Variants in PTPRD observed in about 807,000 individuals in gnomAD.
PTPRD encodes protein tyrosine phosphatase receptor type D.
A neutral mutation model predicts 214.5 loss-of-function variants in PTPRD; 34 were observed. The ratio of observed to expected loss-of-function variants is 0.16; its 90% confidence interval spans 0.12 to 0.21. PTPRD has a LOEUF of 0.21. PTPRD is among the 10% of genes least tolerant of loss of function. The probability of loss-of-function intolerance (pLI) is 1.00; values close to 1 mark genes in which losing one functional copy is unlikely to be tolerated. For synonymous variants in PTPRD, 1,128 were observed against 845.7 expected (o/e 1.33, Z -5.79); for missense variants, 2,545 against 2,398.7 (o/e 1.06, Z -1.27).
intron 14 of PTPRD, among the ~76,000 whole-genome samples, chr9:8,603,367 T>A (rs891375091): frequency 5.1e-4 from 77 of 152,332 alleles, no homozygotes; most frequent in African/African-American, 1.7e-3. Context: ...GACAACAGTT[T>A]AAACTCTTGG....
chr9:9,375,790 C>A (rs1456730887), intron 9 of PTPRD, among the ~76,000 whole-genome samples: 1 of 151,936 alleles, frequency 6.6e-6, no homozygotes, highest in East Asian at 1.9e-4. Flanking sequence ...TTATCAATGG[C>A]AGGGAGGAGG....
At chr9:8,912,242 G>A (rs761010988) in intron 11 of PTPRD, among the ~76,000 whole-genome samples, 4 of 152,050 alleles carry the variant, frequency 2.6e-5, no homozygotes, top group Admixed American at 1.3e-4. Context: ...TAGACCCAAC[G>A]GGAACCAAAC....
chr9:10,034,502 T>G (rs1459405138), intron 3 of PTPRD, among the ~76,000 whole-genome samples: 1 of 151,250 alleles, frequency 6.6e-6, no homozygotes, highest in Non-Finnish European at 1.5e-5. Flanking sequence ...GCGTTTGTTG[T>G]GCCTATTATT....
chr9:8,880,749 T>C lies in PTPRD; in HGVS notation c.-104+137948A>G, dbSNP rs1314824808. On this transcript the variant is annotated intron_variant, in intron 11 of 45. Coordinates refer to ENST00000381196, the MANE Select transcript of PTPRD (RefSeq NM_002839.4). The stretch of plus-strand genomic sequence containing the variant: ...ATAGAATTAAAATATTTTAATGTAG[T>C]TGGTTTCATTTGCCTATAATATTAT... Among the ~76,000 whole-genome samples, 6 of 152,094 alleles carry C rather than the reference T, an allele frequency of 3.9e-5. No individual in the cohort carries two copies. In the East Asian group the frequency reaches 1.2e-3, roughly 29 times the overall value.
At position 8,382,669 on chromosome 9, in the gene PTPRD, C is replaced by A. The variant is rs187732670; in HGVS notation, c.4387-5943G>T. ...AGAACTTTCTAGATAAGGACCCCAA[C>A]ATCCTTTAGATTGCCAACATGAGCA... On this transcript the variant is annotated intron_variant, in intron 37 of 45. Transcript: ENST00000381196. Among the ~76,000 whole-genome samples, 407 of 152,272 alleles carry A rather than the reference C, an allele frequency of 2.7e-3. 7 individuals are homozygous for A. The highest frequency in any genetic ancestry group is 3.8e-4 in the Non-Finnish European group (26 of 68,024).
chr9:9,293,097 A>T (rs1228993921), intron 9 of PTPRD, among the ~76,000 whole-genome samples: 1 of 151,532 alleles, frequency 6.6e-6, no homozygotes, highest in South Asian at 2.1e-4. Context: ...TGCACATCCC[A>T]TATGGAAGTG....
At chr9:8,651,020 C>A (rs1417119645) in intron 12 of PTPRD, among the ~76,000 whole-genome samples, 1 of 151,944 alleles carries the variant, frequency 6.6e-6, no homozygotes, top group Non-Finnish European at 1.5e-5. Context: ...TATTAAAATT[C>A]TTATTTTCTG....
chr9:9,871,786 C>G (rs115419215), intron 5 of PTPRD, among the ~76,000 whole-genome samples: 4 of 152,202 alleles, frequency 2.6e-5, no homozygotes, highest in Admixed American at 2.6e-4. Flanking sequence ...GGGTAAGCAA[C>G]CTAACCTCCT....
chr9:9,067,506 C>G (rs1374833435), intron 10 of PTPRD, among the ~76,000 whole-genome samples: 1 of 152,146 alleles, frequency 6.6e-6, no homozygotes, highest in Admixed American at 6.5e-5. Context: ...GTACCTCTTC[C>G]TCTCAAGCTT....
intron 8 of PTPRD, among the ~76,000 whole-genome samples, chr9:9,443,079 A>C (rs2088855190): frequency 1.3e-5 from 2 of 152,206 alleles, no homozygotes. Context: ...ATGCAACAAA[A>C]TCTGCATCAC....
Position 8,988,198 on chromosome 9 carries a change from A to C in PTPRD, c.-104+30499T>G, listed in dbSNP as rs149275732. On this transcript the variant is annotated intron_variant, in intron 11 of 45. Coordinates refer to ENST00000381196, the MANE Select transcript of PTPRD (RefSeq NM_002839.4). ...GATAGTACCCACACCCTCCTCTTGG[A>C]CTGAAGAAAGTGTGACTATTGGTGG... 2.5e-3 allele frequency among the ~76,000 whole-genome samples: 386 copies of C among 152,192 alleles called. 1 individual carries two copies. Among genetic ancestry groups the C allele is most frequent in the African/African-American group, 9.2e-3 (381 of 41,552 alleles).
chr9:10,131,230 G>T (rs1011300333), intron 3 of PTPRD, among the ~76,000 whole-genome samples: 2 of 152,106 alleles, frequency 1.3e-5, no homozygotes, highest in African/African-American at 4.8e-5. Flanking sequence ...CAATTAGAGA[G>T]TCAAAGCTCT....
intron 11 of PTPRD, among the ~76,000 whole-genome samples, chr9:8,770,173 C>T (rs150744177): frequency 5.3e-5 from 8 of 152,006 alleles, no homozygotes; most frequent in African/African-American, 1.2e-4. Flanking sequence ...CCCAGCTACT[C>T]GGGGGGCTGA....
intron 12 of PTPRD, among the ~76,000 whole-genome samples, chr9:8,723,145 G>A (rs1281448050): frequency 2.0e-5 from 3 of 152,034 alleles, no homozygotes; most frequent in Non-Finnish European, 4.4e-5. Context: ...GCCCCATGAT[G>A]TGTCTCCTGG....
intron 9 of PTPRD, among the ~76,000 whole-genome samples, chr9:9,194,357 G>C (rs1203403521): frequency 6.6e-6 from 1 of 152,146 alleles, no homozygotes; most frequent in African/African-American, 2.4e-5. Context: ...ACATAAACTA[G>C]TAACATAGTC....
intron 9 of PTPRD, among the ~76,000 whole-genome samples, chr9:9,297,978 A>T (rs939336270): frequency 2.6e-5 from 4 of 151,700 alleles, no homozygotes; most frequent in African/African-American, 7.2e-5. Context: ...GGTTTGGATA[A>T]TTCCCAGCAC....
chr9:9,649,944 C>T (rs570143447), intron 7 of PTPRD, among the ~76,000 whole-genome samples: 1 of 152,032 alleles, frequency 6.6e-6, no homozygotes, highest in Admixed American at 6.5e-5. Flanking sequence ...ACTGTGCTAG[C>T]GATAGAAAAA....
At chr9:9,717,158 T>G (rs2097849925) in intron 7 of PTPRD, among the ~76,000 whole-genome samples, 1 of 152,120 alleles carries the variant, frequency 6.6e-6, no homozygotes, top group South Asian at 2.1e-4. Flanking sequence ...ATCAGATAGT[T>G]GTAGATATGC....
chr9:10,538,095 C>G (rs1215350953), intron 2 of PTPRD, among the ~76,000 whole-genome samples: 4 of 151,998 alleles, frequency 2.6e-5, no homozygotes, highest in Non-Finnish European at 5.9e-5. Flanking sequence ...AATCAAATTG[C>G]TTAACTCTGA....
Sources: gnomAD v4.1 joint callset for allele counts (sites outside exome capture counted in the v4.1 genomes callset) on GRCh38, gnomAD v4.1.1 for gene constraint, MANE v1.5 for transcripts, NCBI Gene and HGNC (gene_info 2026-07-23, HGNC 2026-07-21) for gene names.